Variants in SCARA5 observed in about 807,000 individuals in gnomAD.
The protein encoded by SCARA5 is scavenger receptor class A member 5, also known as scavenger receptor class A, member 5 (putative).
Under a neutral mutation model 46.3 loss-of-function variants are expected in SCARA5, and 45 were observed. That is an observed-to-expected ratio of 0.97 (90% CI 0.76 to 1.24). The LOEUF is 1.24. SCARA5 is among the 50% of genes most tolerant of loss of function. The pLI is 0.00. For synonymous variants in SCARA5, 333 were observed against 306.5 expected, an observed-to-expected ratio of 1.09 and a Z score of -0.90; for missense variants, 680 against 689.0, an observed-to-expected ratio of 0.99 and a Z score of 0.15.
intron 6 of SCARA5, 62 bp from the exon 7 acceptor site, chr8:27,904,896 T>C: frequency 7.3e-7 from 1 of 1,372,014 alleles, no homozygotes; most frequent in Non-Finnish European, 1.0e-6. Context: ...GAATAAAATA[T>C]TACCTGCAGG....
intron 3 of SCARA5, among the ~76,000 whole-genome samples, chr8:27,923,375 A>G (rs894495773): frequency 2.0e-5 from 3 of 152,234 alleles, no homozygotes; most frequent in African/African-American, 7.2e-5. Context: ...CTGGAGCTCC[A>G]GGGGCAACAT....
chr8:27,887,806 A>G (rs1269982358), intron 7 of SCARA5, among the ~76,000 whole-genome samples: 1 of 152,210 alleles, frequency 6.6e-6, no homozygotes, highest in Non-Finnish European at 1.5e-5. Context: ...TTCAAGGGAA[A>G]TTCTAGGCTA....
chr8:27,878,114 G>A (rs77918445), intron 8 of SCARA5, among the ~76,000 whole-genome samples: 5,205 of 152,290 alleles, frequency 0.034, 141 homozygotes, highest in South Asian at 0.068. Context: ...GAACCCTGCC[G>A]TCAGTGGGCT....
intron 8 of SCARA5, among the ~76,000 whole-genome samples, chr8:27,873,965 G>A (rs1463458066): frequency 1.3e-5 from 2 of 152,210 alleles, no homozygotes; most frequent in Non-Finnish European, 2.9e-5. Flanking sequence ...CAGGAGAATC[G>A]CTTGAACCCG....
At chr8:27,949,247 A>G (rs2726950) in intron 3 of SCARA5, among the ~76,000 whole-genome samples, 53,067 of 152,210 alleles carry the variant, frequency 0.35, 9,684 homozygotes, top group African/African-American at 0.46. Context: ...ATCACAGGGG[A>G]ACAGCAGGGA....
intron 7 of SCARA5, among the ~76,000 whole-genome samples, chr8:27,892,605 CCTTTTTTTTTTT>C (rs1807002519): frequency 8.3e-6 from 1 of 119,788 alleles, no homozygotes; most frequent in Admixed American, 8.6e-5. Context: ...CATACCTCAC[CCTTTTTTTTTTT>C]TTTTTTTTTT....
At chr8:27,941,259 T>G (rs548689440) in intron 3 of SCARA5, among the ~76,000 whole-genome samples, 2 of 152,332 alleles carry the variant, frequency 1.3e-5, no homozygotes, top group Admixed American at 1.3e-4. Context: ...TGAGAATTGG[T>G]TGGGTCCTTA....
In SCARA5 at chr8:27,871,722, C is replaced by T. The variant is rs752781585; in HGVS notation, c.*212G>A. 2.9e-5 allele frequency: 40 copies of T among 1,402,718 alleles called. 1 individual carries two copies. The highest frequency in any genetic ancestry group is 8.7e-5 in the African/African-American group (6 of 69,130). 86.9% of individuals were successfully genotyped at this position (1,402,718 alleles called of 1,614,324 possible). The stretch of plus-strand genomic sequence containing the variant: ...GCAGGAACCTGGTGGAAGAGAGAGA[C>T]GGGCAGTAGGTCCCAGAGTTATACT... On this transcript the variant is annotated 3_prime_UTR_variant, in exon 9 of 9. Coordinates refer to ENST00000354914, the MANE Select transcript of SCARA5 (RefSeq NM_173833.6).
At chr8:27,987,366 C>T in intron 2 of SCARA5, 138 bp downstream of exon 2, 1 of 657,852 alleles carries the variant, frequency 1.5e-6, no homozygotes, top group African/African-American at 1.8e-5. Flanking sequence ...CCTTTTAAAG[C>T]ATAAAGTTCA....
rs1806782691 is a variant in SCARA5, at chr8:27,879,773, G to A, written c.1154-7C>T. ...ATCGGGGCCTCCACGCCACCTGCCGGAGCAGCCAACTGTCACTACCCAGCT... is the reference window on the plus strand; with the variant it reads ...ATCGGGGCCTCCACGCCACCTGCCGAAGCAGCCAACTGTCACTACCCAGCT... On this transcript the variant is annotated splice_region_variant and splice_polypyrimidine_tract_variant and intron_variant, in intron 7 of 8. Coordinates refer to ENST00000354914, the MANE Select transcript of SCARA5 (RefSeq NM_173833.6). 2 of 1,612,114 alleles carry A rather than the reference G, an allele frequency of 1.2e-6. No homozygotes were observed. Among genetic ancestry groups the A allele is most frequent in the Non-Finnish European group, 1.7e-6 (2 of 1,179,944 alleles).
chr8:27,956,685 T>C (rs1325615448), intron 3 of SCARA5, among the ~76,000 whole-genome samples: 2 of 152,210 alleles, frequency 1.3e-5, no homozygotes, highest in Non-Finnish European at 2.9e-5. Context: ...CTGTGCTTGA[T>C]AGCATATTTT....
chr8:27,979,747 G>A (rs190556206), intron 2 of SCARA5, among the ~76,000 whole-genome samples: 29 of 152,114 alleles, frequency 1.9e-4, no homozygotes, highest in African/African-American at 5.3e-4. Context: ...TTTTAGTAGA[G>A]ACAGGGTTCC....
chr8:27,892,996 T>C (rs1328462694), intron 7 of SCARA5, among the ~76,000 whole-genome samples: 4 of 152,140 alleles, frequency 2.6e-5, no homozygotes, highest in African/African-American at 9.7e-5. Context: ...GTCTCATCAT[T>C]GTGAGCTCCC....
intron 2 of SCARA5, among the ~76,000 whole-genome samples, chr8:27,984,473 C>A (rs2129980631): frequency 6.9e-6 from 1 of 144,518 alleles, no homozygotes; most frequent in African/African-American, 2.7e-5. Context: ...TTTATCCATC[C>A]ATTCATTCAT....
Position 27,870,796 on chromosome 8 carries a change from G to T in SCARA5, c.*1138C>A, listed in dbSNP as rs1806626412. 6.6e-6 allele frequency: 1 copy of T among 152,136 alleles called. No individual in the cohort carries two copies. Among genetic ancestry groups the T allele is most frequent in the African/African-American group, 2.4e-5 (1 of 41,408 alleles). 9.4% of individuals were successfully genotyped at this position (152,136 alleles called of 1,614,324 possible). On this transcript the variant is annotated 3_prime_UTR_variant, in exon 9 of 9. Transcript: ENST00000354914. ...ATCTTCATTTCCTTCCCCCCTAAGG[G>T]TTCCATTAGGACTTGTGTTTTCCTG...
chr8:27,988,952 T>C (rs1483290684), intron 1 of SCARA5, among the ~76,000 whole-genome samples: 1 of 152,012 alleles, frequency 6.6e-6, no homozygotes, highest in African/African-American at 2.4e-5. Flanking sequence ...GGACAATGCC[T>C]GTTGATTGAG....
At chr8:27,946,583 T>C (rs886069726) in intron 3 of SCARA5, among the ~76,000 whole-genome samples, 1 of 152,204 alleles carries the variant, frequency 6.6e-6, no homozygotes, top group African/African-American at 2.4e-5. Flanking sequence ...CAGGCTGCGG[T>C]ATTTTGTTAT....
intron 3 of SCARA5, among the ~76,000 whole-genome samples, chr8:27,932,040 G>A (rs868282435): frequency 8.5e-5 from 13 of 152,090 alleles, no homozygotes; most frequent in South Asian, 2.1e-4. Context: ...GTGCAGTGGC[G>A]TCATCTCGGC....
At chr8:27,903,918 G>A (rs957060986) in intron 7 of SCARA5, among the ~76,000 whole-genome samples, 2 of 152,152 alleles carry the variant, frequency 1.3e-5, no homozygotes, top group Non-Finnish European at 2.9e-5. Flanking sequence ...GTGGGACAGA[G>A]CCAACTAACA....
Sources: allele counts gnomAD v4.1 joint callset (sites outside exome capture counted in the v4.1 genomes callset), GRCh38; gene constraint gnomAD v4.1.1; transcripts MANE v1.5; gene names NCBI Gene and HGNC (gene_info 2026-07-23, HGNC 2026-07-21).